Variants in DSCAML1 observed in about 807,000 individuals in gnomAD.
DSCAML1 encodes cell adhesion molecule DSCAML1.
DSCAML1 carries 38 observed loss-of-function variants against 200.5 expected under a neutral mutation model. That is an observed-to-expected ratio of 0.19 (90% confidence interval 0.15 to 0.25). The LOEUF (loss-of-function observed/expected upper bound fraction) is 0.25. Ranked by LOEUF, DSCAML1 falls within the 10% of genes least tolerant of loss-of-function variation. The probability of loss-of-function intolerance (pLI) is 1.00; values close to 1 mark genes in which losing one functional copy is unlikely to be tolerated. For synonymous variants in DSCAML1, 1,215 were observed against 1,165.0 expected (o/e 1.04, Z -0.87); for missense variants, 2,223 against 2,858.8 (o/e 0.78, Z 5.07).
At chr11:117,746,474 A>G (rs1186487999) in intron 3 of DSCAML1, among the ~76,000 whole-genome samples, 1 of 152,026 alleles carries the variant, frequency 6.6e-6, no homozygotes, top group Non-Finnish European at 1.5e-5. Context: ...TCTTGGACCC[A>G]GGAGGCCAAG....
intron 3 of DSCAML1, among the ~76,000 whole-genome samples, chr11:117,637,365 A>G (rs1402377643): frequency 1.6e-5 from 2 of 125,706 alleles, no homozygotes; most frequent in African/African-American, 6.1e-5. Flanking sequence ...TTTTTTTTTG[A>G]GACGGAGTCT....
At chr11:117,767,718 T>C (rs2054924894) in intron 3 of DSCAML1, among the ~76,000 whole-genome samples, 1 of 152,172 alleles carries the variant, frequency 6.6e-6, no homozygotes. Flanking sequence ...GGAGTCACTG[T>C]TACAAGGAAG....
intron 3 of DSCAML1, among the ~76,000 whole-genome samples, chr11:117,764,205 C>T (rs906205542): frequency 2.0e-5 from 3 of 152,184 alleles, no homozygotes; most frequent in Non-Finnish European, 2.9e-5. Context: ...AACACCAAGG[C>T]GTCTTTCTTA....
At chr11:117,539,656 C>T (rs1226592374) in intron 3 of DSCAML1, among the ~76,000 whole-genome samples, 1 of 136,162 alleles carries the variant, frequency 7.3e-6, no homozygotes, top group African/African-American at 2.8e-5. Flanking sequence ...TTAGCAGTGG[C>T]AAGAGGTTTG....
At chr11:117,534,037 G>A (rs2050125942) in intron 3 of DSCAML1, among the ~76,000 whole-genome samples, 1 of 152,222 alleles carries the variant, frequency 6.6e-6, no homozygotes. Flanking sequence ...CCCACAGGAA[G>A]AACCCGATAG....
intron 3 of DSCAML1, among the ~76,000 whole-genome samples, chr11:117,714,409 CA>C (rs2053909795): frequency 6.6e-6 from 1 of 152,098 alleles, no homozygotes; most frequent in Non-Finnish European, 1.5e-5. Context: ...GGTGCCTGCT[CA>C]GAAATGATTT....
Position 117,482,075 on chromosome 11 carries a change from C to A in DSCAML1, c.2447G>T (p.Arg816Leu), listed in dbSNP as rs1028890107. The change falls in exon 12 of 33, where the codon CGG becomes CTG. Residue 816 changes from arginine (R) to leucine (L), a missense_variant. Arg to Leu is a moderately radical substitution (Grantham distance 102). Transcript: ENST00000651296. ...CTTCTCCCAGCGGATGATGATGGGCCGCTCACCCCGTGCCGTGCAGTTTAG... is the reference window on the plus strand; with the variant it reads ...CTTCTCCCAGCGGATGATGATGGGCAGCTCACCCCGTGCCGTGCAGTTTAG... ...KELNCTARGE[R>L]PIIIRWEKGD... is the part of the protein sequence containing the mutation. The A allele has an allele frequency of 9.3e-6, 15 of 1,614,030 alleles. No homozygotes were observed. Among genetic ancestry groups the A allele is most frequent in the Non-Finnish European group, 1.3e-5 (15 of 1,180,016 alleles).
intron 11 of DSCAML1, among the ~76,000 whole-genome samples, chr11:117,482,838 C>T (rs949261288): frequency 3.3e-5 from 5 of 152,200 alleles, no homozygotes; most frequent in African/African-American, 7.2e-5. Context: ...GAGCTTCTAG[C>T]GGCCTCTGGA....
At chr11:117,705,086 C>A (rs2053737041) in intron 3 of DSCAML1, among the ~76,000 whole-genome samples, 1 of 152,138 alleles carries the variant, frequency 6.6e-6, no homozygotes, top group Non-Finnish European at 1.5e-5. Context: ...GCAGATAAGC[C>A]CCTACAATGC....
intron 3 of DSCAML1, among the ~76,000 whole-genome samples, chr11:117,723,619 G>C (rs182472955): frequency 6.6e-6 from 1 of 152,152 alleles, no homozygotes; most frequent in Non-Finnish European, 1.5e-5. Flanking sequence ...CCCATTCCGC[G>C]GCTGTTTTAG....
chr11:117,778,856 C>T (rs780012388), intron 2 of DSCAML1, among the ~76,000 whole-genome samples: 1 of 152,202 alleles, frequency 6.6e-6, no homozygotes, highest in Admixed American at 6.5e-5. Flanking sequence ...GGGGTTGAGC[C>T]GTGCAAAGCA....
intron 32 of DSCAML1, 125 bp from the exon 33 acceptor site, chr11:117,428,928 G>C: frequency 1.2e-6 from 1 of 828,372 alleles, no homozygotes; most frequent in East Asian, 2.7e-5. Flanking sequence ...CCCTCCACTG[G>C]GGGGCAATAA....
chr11:117,503,242 A>G lies in DSCAML1; in HGVS notation c.2359+603T>C, dbSNP rs143029693. Among the ~76,000 whole-genome samples the G allele has an allele frequency of 2.4e-3, 371 of 152,314 alleles. No homozygotes were observed. The highest frequency in any genetic ancestry group is 3.2e-3 in the Non-Finnish European group (220 of 68,032). ...ATTGGTCCTTGGGCTTTTCTGAAGC[A>G]TCCTCCTCTTTCCAAGATCAGTTCC... On this transcript the variant is annotated intron_variant, in intron 11 of 32. Transcript: ENST00000651296. This position sits in a 1 kb window ranked among gnomAD's most constrained non-coding sequence, Gnocchi z 5.2.
intron 3 of DSCAML1, among the ~76,000 whole-genome samples, chr11:117,567,173 G>GA (rs1298675335): frequency 6.6e-6 from 1 of 152,176 alleles, no homozygotes; most frequent in Non-Finnish European, 1.5e-5. Flanking sequence ...CACAATGGTT[G>GA]AACTAGTTTA....
chr11:117,441,774 G>T (rs1170051647), intron 21 of DSCAML1, among the ~76,000 whole-genome samples: 1 of 152,146 alleles, frequency 6.6e-6, no homozygotes, highest in African/African-American at 2.4e-5. Flanking sequence ...TCAGAGCAGG[G>T]GAGTTCTGGG....
At chr11:117,680,045 T>C (rs1005627820) in intron 3 of DSCAML1, among the ~76,000 whole-genome samples, 1 of 152,174 alleles carries the variant, frequency 6.6e-6, no homozygotes, top group African/African-American at 2.4e-5. Context: ...GTCACCTCTC[T>C]GGGCTTTCCT....
chr11:117,648,624 G>A lies in DSCAML1; in HGVS notation c.512-116102C>T, dbSNP rs1763644683. ...GGTCACAGAGCAATTCACTTCCTCT[G>A]CAAGATGGGAACAGCGGTAATACCT... On this transcript the variant is annotated intron_variant, in intron 3 of 32. Coordinates refer to ENST00000651296, the MANE Select transcript of DSCAML1 (RefSeq NM_020693.4). Among the ~76,000 whole-genome samples the A allele has an allele frequency of 2.0e-5, 3 of 152,294 alleles. No homozygotes were observed. The South Asian group carries it at 6.2e-4, about 32-fold the overall frequency.
chr11:117,532,672 CAGGGTTT>C, intron 3 of DSCAML1, 150 bp from the exon 4 acceptor site: 1 of 799,552 alleles, frequency 1.3e-6, no homozygotes, highest in South Asian at 1.9e-5. Flanking sequence ...GTAGATGCTC[CAGGGTTT>C]AACAGAAAGA....
intron 3 of DSCAML1, among the ~76,000 whole-genome samples, chr11:117,731,167 T>C (rs899529725): frequency 2.0e-5 from 3 of 151,846 alleles, no homozygotes; most frequent in African/African-American, 7.3e-5. Flanking sequence ...ATAAAGCTGC[T>C]ACTAAAAAAA....
Sources: allele counts gnomAD v4.1 joint callset (sites outside exome capture counted in the v4.1 genomes callset), GRCh38; gene constraint gnomAD v4.1.1; non-coding constraint Gnocchi (gnomAD v3.1); transcripts MANE v1.5; gene names NCBI Gene and HGNC (gene_info 2026-07-23, HGNC 2026-07-21).